Variants in PTPRM observed in about 807,000 individuals in gnomAD.
PTPRM encodes protein tyrosine phosphatase receptor type M, also known as receptor-type tyrosine-protein phosphatase mu.
Under a neutral mutation model 186.7 loss-of-function variants are expected in PTPRM, and 47 were observed. That is an observed-to-expected ratio of 0.25 (90% CI 0.20 to 0.32). The LOEUF (loss-of-function observed/expected upper bound fraction) is 0.32. Among genes scored for constraint, PTPRM ranks in the 10% least tolerant of loss-of-function variants. The pLI, the probability that PTPRM is intolerant of heterozygous loss-of-function variation, is 1.00. For synonymous variants in PTPRM, 668 were observed against 674.9 expected (o/e 0.99, Z 0.16); for missense variants, 1,494 against 1,865.0 (o/e 0.80, Z 3.66).
chr18:8,173,124 G>T (rs1403003074), intron 14 of PTPRM, among the ~76,000 whole-genome samples: 12 of 152,118 alleles, frequency 7.9e-5, no homozygotes, highest in African/African-American at 2.9e-4. Context: ...GAGTATTATA[G>T]TCTAAGTGGA....
At chr18:7,819,106 T>C (rs1400029143) in intron 2 of PTPRM, among the ~76,000 whole-genome samples, 1 of 152,220 alleles carries the variant, frequency 6.6e-6, no homozygotes, top group East Asian at 1.9e-4. Flanking sequence ...GGTTTCTTAC[T>C]TCTATGGTGT....
intron 14 of PTPRM, among the ~76,000 whole-genome samples, chr18:8,211,908 C>T (rs756744716): frequency 2.6e-4 from 40 of 152,018 alleles, no homozygotes; most frequent in African/African-American, 6.3e-4. Flanking sequence ...GCCATGCACT[C>T]GTCAGCATGG....
intron 31 of PTPRM, among the ~76,000 whole-genome samples, chr18:8,389,205 C>G (rs2095796408): frequency 1.3e-5 from 2 of 152,160 alleles, no homozygotes. Flanking sequence ...CTGGAGACCC[C>G]CAGCGTCTGG....
chr18:8,049,473 G>A (rs1241267840), intron 7 of PTPRM: 1 of 152,140 alleles, frequency 6.6e-6, no homozygotes, highest in African/African-American at 2.4e-5. Context: ...GTTGATTTAT[G>A]AGACAAAGAG....
At chr18:8,012,748 C>T (rs927509846) in intron 7 of PTPRM, among the ~76,000 whole-genome samples, 1 of 152,198 alleles carries the variant, frequency 6.6e-6, no homozygotes, top group Non-Finnish European at 1.5e-5. Flanking sequence ...TTATACAGCA[C>T]ATGTCTGTAT....
At chr18:7,589,516 G>A (rs2037068103) in intron 1 of PTPRM, among the ~76,000 whole-genome samples, 1 of 152,092 alleles carries the variant, frequency 6.6e-6, no homozygotes, top group Admixed American at 6.6e-5. Context: ...TCTAGATAGA[G>A]ACCTGAACAC....
intron 15 of PTPRM, among the ~76,000 whole-genome samples, 199 bp from the exon 16 acceptor site, chr18:8,247,646 G>C (rs2094489893): frequency 6.6e-6 from 1 of 152,160 alleles, no homozygotes; most frequent in Non-Finnish European, 1.5e-5. Context: ...GTCTTTAAGT[G>C]ACGAAAGGTT....
chr18:7,948,670 A>G (rs1446055023), intron 5 of PTPRM, among the ~76,000 whole-genome samples: 1 of 152,196 alleles, frequency 6.6e-6, no homozygotes, highest in Non-Finnish European at 1.5e-5. Flanking sequence ...AGAACGTCAA[A>G]AGGGTTGAAC....
At chr18:7,589,055 C>G (rs2037056443) in intron 1 of PTPRM, among the ~76,000 whole-genome samples, 1 of 152,156 alleles carries the variant, frequency 6.6e-6, no homozygotes, top group Non-Finnish European at 1.5e-5. Flanking sequence ...ACTGTGTTCT[C>G]CAGGCTGGTC....
chr18:7,821,771 A>G (rs1452664462), intron 2 of PTPRM, among the ~76,000 whole-genome samples: 1 of 152,208 alleles, frequency 6.6e-6, no homozygotes, highest in Non-Finnish European at 1.5e-5. Flanking sequence ...TGAGCTGGCT[A>G]CTAAGTGATT....
intron 29 of PTPRM, among the ~76,000 whole-genome samples, chr18:8,381,945 G>A (rs1034765409): frequency 6.6e-6 from 1 of 152,158 alleles, no homozygotes. Context: ...TTGAAAAACT[G>A]CATTGGAATT....
intron 1 of PTPRM, among the ~76,000 whole-genome samples, chr18:7,765,538 G>T (rs183739621): frequency 1.3e-5 from 2 of 152,134 alleles, no homozygotes; most frequent in Non-Finnish European, 2.9e-5. Context: ...TGCTATGTTG[G>T]TATAGTTTTT....
At chr18:8,403,769 A>G (rs992955792) in intron 32 of PTPRM, 1 of 152,160 alleles carries the variant, frequency 6.6e-6, no homozygotes, top group African/African-American at 2.4e-5. Context: ...TTCAGCTTCC[A>G]GTCTTTATAG....
chr18:8,055,674 T>G (rs954681643), intron 7 of PTPRM, among the ~76,000 whole-genome samples: 5 of 152,214 alleles, frequency 3.3e-5, no homozygotes, highest in Non-Finnish European at 5.9e-5. Context: ...TGTTTTCTGT[T>G]ATTTTTGTTA....
intron 7 of PTPRM, among the ~76,000 whole-genome samples, chr18:8,007,858 G>T (rs2084282966): frequency 6.6e-6 from 1 of 152,180 alleles, no homozygotes; most frequent in Non-Finnish European, 1.5e-5. Context: ...ATTGTTTCTG[G>T]TGGTAGATTC....
intron 11 of PTPRM, among the ~76,000 whole-genome samples, chr18:8,093,877 G>A (rs9957461): frequency 0.022 from 3,278 of 152,182 alleles, 107 homozygotes; most frequent in African/African-American, 0.075. Flanking sequence ...TATTACTTAC[G>A]TAACTTAACA....
In PTPRM at chr18:8,379,262, G is replaced by A. The variant is rs144488315; in HGVS notation, c.3708G>A (p.Leu1236=). 9.0e-5 allele frequency: 146 copies of A among 1,613,952 alleles called. No individual in the cohort carries two copies. Among genetic ancestry groups the A allele is most frequent in the Non-Finnish European group, 1.1e-4 (135 of 1,179,992 alleles). Residue 1236 remains leucine (L), a synonymous_variant, in exon 28 of 33, where the codon CTG becomes CTA. Coordinates refer to ENST00000580170, the MANE Select transcript of PTPRM (RefSeq NM_001105244.2). ...AGAAAAACCGGTGCATGGACATCCT[G>A]CCCCCAGACCGCTGCCTGCCCTTCC... is the stretch of plus-strand genomic sequence containing the variant. ...NHEKNRCMDI[L]PPDRCLPFLI... is the part of the protein sequence containing the mutation.
intron 29 of PTPRM, among the ~76,000 whole-genome samples, chr18:8,381,364 A>G (rs1364053536): frequency 6.6e-6 from 1 of 150,872 alleles, no homozygotes; most frequent in African/African-American, 2.4e-5. Context: ...TTTTCTTAAA[A>G]AAAAAAAAAA....
chr18:8,239,682 G>C (rs1474603466), intron 14 of PTPRM, among the ~76,000 whole-genome samples: 3 of 152,190 alleles, frequency 2.0e-5, no homozygotes, highest in Non-Finnish European at 4.4e-5. Context: ...TTGGGGGGCA[G>C]TGGTTTGCCC....
Sources: gnomAD v4.1 joint callset for allele counts (sites outside exome capture counted in the v4.1 genomes callset) on GRCh38, gnomAD v4.1.1 for gene constraint, MANE v1.5 for transcripts, NCBI Gene and HGNC (gene_info 2026-07-23, HGNC 2026-07-21) for gene names.